The following FBXL20 variants were observed in gnomAD, a reference collection of about 807,000 sequenced individuals.
FBXL20 encodes F-box/LRR-repeat protein 20.
Under a neutral mutation model 64.0 loss-of-function variants are expected in FBXL20, and 11 were observed. That is an observed-to-expected ratio of 0.17 (90% CI 0.11 to 0.28). The LOEUF (loss-of-function observed/expected upper bound fraction) is 0.28, where lower values mean the gene tolerates loss of function less well. FBXL20 is among the 10% of genes least tolerant of loss of function. FBXL20 has a pLI of 1.00. For synonymous variants in FBXL20, 184 were observed against 189.0 expected (o/e 0.97, Z 0.22); for missense variants, 303 against 526.2 (o/e 0.58, Z 4.15).
chr17:39,272,701 CAAAAAAAAAAAAAAAA>C (rs56138431), intron 10 of FBXL20, among the ~76,000 whole-genome samples: 7 of 98,882 alleles, frequency 7.1e-5, no homozygotes, highest in Non-Finnish European at 1.4e-4. Context: ...AACTCTATCT[CAAAAAAAAAAAAAAAA>C]AAAAGAAAGA....
chr17:39,347,269 T>C (rs551541327), intron 1 of FBXL20, among the ~76,000 whole-genome samples: 3 of 152,352 alleles, frequency 2.0e-5, no homozygotes, highest in African/African-American at 7.2e-5. Flanking sequence ...ATCGCCACAC[T>C]GTCTTCCACA....
rs771148308 is a variant in FBXL20, at chr17:39,303,453, T to C, written c.159+132A>G. On this transcript the variant is annotated intron_variant, in intron 3 of 14. Coordinates refer to ENST00000264658, the MANE Select transcript of FBXL20 (RefSeq NM_032875.3). ...AATTTACATGGGTTTGGGTATGTCA[T>C]TGGTGAAATAATCTCCTTTAAAACA... 8 of 672,906 alleles carry C rather than the reference T, an allele frequency of 1.2e-5. No individual in the cohort carries two copies. The South Asian group carries it at 1.7e-4, about 14-fold the overall frequency. The allele number at this position is 672,906 out of a possible 1,614,324, so 41.7% of individuals were successfully genotyped here. A position where few individuals can be genotyped will look rare whatever the true frequency, so the allele number is the denominator to read the frequency against.
intron 2 of FBXL20, among the ~76,000 whole-genome samples, chr17:39,319,033 GTGGTCAGGAGATTGAGACCAGCC>G (rs1360115360): frequency 6.6e-6 from 1 of 151,530 alleles, no homozygotes; most frequent in African/African-American, 2.4e-5. Flanking sequence ...GGCAAATCAC[GTGGTCAGGAGATTGAGACCAGCC>G]TGGCCAACAT....
intron 6 of FBXL20, among the ~76,000 whole-genome samples, chr17:39,295,782 G>GATATATATATATATATATATATATAT: frequency 8.1e-6 from 1 of 122,826 alleles, no homozygotes; most frequent in Non-Finnish European, 1.7e-5. Context: ...TGCAAATATG[G>GATATATATATATATATATATATATAT]AGATATATAT....
rs373657876 is a variant in FBXL20 at position 39,316,535 on chromosome 17, T to A, written c.105-12896A>T. 2.0e-5 allele frequency among the ~76,000 whole-genome samples: 3 copies of A among 152,184 alleles called. No individual in the cohort carries two copies. In the South Asian group the frequency reaches 6.2e-4, roughly 32 times the overall value. ...GTGCTCAAAGAATGATGGGGACACG[T>A]CAAAAAGTCATGGTAACCAGCTTGA... On this transcript the variant is annotated intron_variant, in intron 2 of 14. Coordinates refer to ENST00000264658, the MANE Select transcript of FBXL20 (RefSeq NM_032875.3).
At chr17:39,358,116 C>CA (rs1246135850) in intron 1 of FBXL20, among the ~76,000 whole-genome samples, 1 of 152,104 alleles carries the variant, frequency 6.6e-6, no homozygotes, top group East Asian at 1.9e-4. Context: ...GCAGTATTAC[C>CA]AGCGTCCAAA....
intron 9 of FBXL20, among the ~76,000 whole-genome samples, chr17:39,276,295 A>G (rs1303412028): frequency 6.6e-6 from 1 of 150,632 alleles, no homozygotes; most frequent in Non-Finnish European, 1.5e-5. Context: ...GGAATAAAGA[A>G]AGGAAAGAAA....
At chr17:39,326,435 C>G (rs2047409419) in intron 2 of FBXL20, among the ~76,000 whole-genome samples, 1 of 151,872 alleles carries the variant, frequency 6.6e-6, no homozygotes, top group Non-Finnish European at 1.5e-5. Flanking sequence ...GCCTGGGCAA[C>G]ATGGTGAAAA....
intron 9 of FBXL20, among the ~76,000 whole-genome samples, chr17:39,279,947 G>A (rs1461755706): frequency 3.9e-5 from 6 of 152,014 alleles, no homozygotes; most frequent in African/African-American, 7.2e-5. Flanking sequence ...TTGGGAGGCC[G>A]AGGCAGGCAG....
At chr17:39,363,734 C>T (rs2047822549) in intron 1 of FBXL20, among the ~76,000 whole-genome samples, 1 of 145,420 alleles carries the variant, frequency 6.9e-6, no homozygotes. Context: ...TTGCTTAAGC[C>T]CGGAAGTTGA....
chr17:39,311,463 G>C (rs908541863), intron 2 of FBXL20, among the ~76,000 whole-genome samples: 1 of 151,910 alleles, frequency 6.6e-6, no homozygotes, highest in Non-Finnish European at 1.5e-5. Flanking sequence ...GCAGGCAAGG[G>C]AGGGTATCAA....
intron 9 of FBXL20, among the ~76,000 whole-genome samples, chr17:39,278,882 A>G (rs2046923545): frequency 6.7e-6 from 1 of 149,890 alleles, no homozygotes; most frequent in Non-Finnish European, 1.5e-5. Flanking sequence ...GGCCGGGTGC[A>G]GTGGCTCATG....
chr17:39,286,042 A>G (rs2046985613), intron 6 of FBXL20, among the ~76,000 whole-genome samples: 1 of 152,210 alleles, frequency 6.6e-6, no homozygotes, highest in Admixed American at 6.5e-5. Context: ...AAGGTATACA[A>G]AGGATGGACT....
chr17:39,340,193 T>C (rs1003436428), intron 2 of FBXL20, among the ~76,000 whole-genome samples: 1 of 151,424 alleles, frequency 6.6e-6, no homozygotes, highest in African/African-American at 2.4e-5. Context: ...GCCTCCCGGG[T>C]TCAAGCGATT....
At chr17:39,399,684 T>G (rs2048222225) in intron 1 of FBXL20, among the ~76,000 whole-genome samples, 1 of 152,212 alleles carries the variant, frequency 6.6e-6, no homozygotes, top group Non-Finnish European at 1.5e-5. Flanking sequence ...CTACATCAGC[T>G]ACAAGTTAAA....
intron 2 of FBXL20, among the ~76,000 whole-genome samples, chr17:39,316,774 G>A (rs1457634509): frequency 1.3e-5 from 2 of 152,228 alleles, no homozygotes; most frequent in Non-Finnish European, 2.9e-5. Flanking sequence ...GGCCACCTGA[G>A]GTCAGGAGTT....
intron 14 of FBXL20, among the ~76,000 whole-genome samples, chr17:39,262,749 A>G (rs2046757927): frequency 6.6e-6 from 1 of 151,956 alleles, no homozygotes; most frequent in South Asian, 2.1e-4. Context: ...CTGTAATCCC[A>G]GCACTTTGGG....
At chr17:39,351,460 G>A (rs575586788) in intron 1 of FBXL20, among the ~76,000 whole-genome samples, 3 of 151,794 alleles carry the variant, frequency 2.0e-5, no homozygotes, top group East Asian at 3.9e-4. Flanking sequence ...TTTCATAAAA[G>A]CAATAGAATA....
intron 6 of FBXL20, among the ~76,000 whole-genome samples, chr17:39,290,506 T>C (rs2047028146): frequency 6.6e-6 from 1 of 152,160 alleles, no homozygotes; most frequent in Non-Finnish European, 1.5e-5. Flanking sequence ...AATATGATGT[T>C]GTAAGAGATT....
Sources: allele counts gnomAD v4.1 joint callset (sites outside exome capture counted in the v4.1 genomes callset), GRCh38; gene constraint gnomAD v4.1.1; transcripts MANE v1.5; gene names NCBI Gene and HGNC (gene_info 2026-07-23, HGNC 2026-07-21).